USH2A: variants seen among roughly 807,000 people sequenced by gnomAD.
The protein encoded by USH2A is Usher syndrome 2A (autosomal recessive, mild).
USH2A carries 443 observed loss-of-function variants against 538.9 expected under a neutral mutation model. The observed-to-expected ratio is 0.82, with a 90% CI of 0.76 to 0.89. The LOEUF (loss-of-function observed/expected upper bound fraction) is 0.89, where lower values mean the gene tolerates loss of function less well. Among genes scored for constraint, USH2A ranks in the 40% least tolerant of loss-of-function variants. The probability of loss-of-function intolerance (pLI) is 0.00; values close to 1 mark genes in which losing one functional copy is unlikely to be tolerated. For synonymous variants in USH2A, 2,413 were observed against 2,273.5 expected (o/e 1.06, Z -1.75); for missense variants, 6,633 against 6,324.8 (o/e 1.05, Z -1.65).
Position 216,050,622 on chromosome 1 carries a change from TG to T in USH2A, c.6050-1976del, listed in dbSNP as rs748853705. ...TTTCTTTCTTTTTTTTTTTTTTTTTTGAGACAGAGTCTCGCTCAGTTGCCCA... is the reference window on the plus strand; with the variant it reads ...TTTCTTTCTTTTTTTTTTTTTTTTTTAGACAGAGTCTCGCTCAGTTGCCCA... On this transcript the variant is annotated intron_variant, in intron 30 of 71. Transcript: ENST00000307340. 9.4e-5 allele frequency among the ~76,000 whole-genome samples: 10 copies of T among 106,712 alleles called. 1 individual carries two copies. Among genetic ancestry groups the T allele is most frequent in the Admixed American group, 1.9e-4 (2 of 10,562 alleles). 70.0% of individuals were successfully genotyped at this position (106,712 alleles called of 152,430 possible). A position where few individuals can be genotyped will look rare whatever the true frequency, so the allele number is the denominator to read the frequency against.
intron 59 of USH2A, among the ~76,000 whole-genome samples, chr1:215,742,887 A>G (rs138098360): frequency 1.4e-4 from 21 of 152,278 alleles, no homozygotes; most frequent in African/African-American, 3.9e-4. Flanking sequence ...TTATATTACC[A>G]AAGACTCCTT....
intron 23 of USH2A, among the ~76,000 whole-genome samples, chr1:216,087,074 A>T (rs1192467346): frequency 6.6e-6 from 1 of 152,140 alleles, no homozygotes; most frequent in Non-Finnish European, 1.5e-5. Flanking sequence ...AGTACTCTAG[A>T]GGGATGAATA....
chr1:216,336,369 T>G (rs970260517), intron 4 of USH2A, among the ~76,000 whole-genome samples: 101 of 151,364 alleles, frequency 6.7e-4, no homozygotes, highest in African/African-American at 2.2e-3. Context: ...CTTTTGCCAC[T>G]TCTAGTCAAC....
rs528148292 is a variant in USH2A, at chr1:215,834,358, T to C, written c.9371+3633A>G. Among the ~76,000 whole-genome samples the C allele has an allele frequency of 1.3e-5, 2 of 152,296 alleles. 1 individual carries two copies. Among genetic ancestry groups the C allele is most frequent in the South Asian group, 4.1e-4 (2 of 4,834 alleles). On this transcript the variant is annotated intron_variant, in intron 47 of 71. Coordinates refer to ENST00000307340, the MANE Select transcript of USH2A (RefSeq NM_206933.4). ...CTCAGCAACAAAAACTGACAACTAC[T>C]AGTATGTATACAACTGCTAGTATGT... is the stretch of plus-strand genomic sequence containing the variant.
rs1209886350 is a variant in USH2A, at chr1:215,805,609, CA to C, written c.9740-6485del. Among the ~76,000 whole-genome samples the C allele has an allele frequency of 2.0e-5, 3 of 151,950 alleles. No individual in the cohort carries two copies. In the Middle Eastern group the frequency reaches 0.01, roughly 517 times the overall value. On this transcript the variant is annotated intron_variant, in intron 49 of 71. Transcript: ENST00000307340. ...ATTTTATGTGGTGTATACTTTACCA[CA>C]AAAAAGTCCTGTAAACAAGGAAAAA...
At chr1:215,746,686 A>G (rs1014214952) in intron 58 of USH2A, among the ~76,000 whole-genome samples, 6 of 152,202 alleles carry the variant, frequency 3.9e-5, no homozygotes, top group African/African-American at 1.4e-4. Context: ...CTTTGATGAT[A>G]TTTAGTTTGG....
intron 49 of USH2A, among the ~76,000 whole-genome samples, chr1:215,802,431 C>T (rs1662364654): frequency 6.6e-6 from 1 of 151,798 alleles, no homozygotes; most frequent in Admixed American, 6.6e-5. Flanking sequence ...AAACAAAGAC[C>T]TTATTTTTTA....
intron 61 of USH2A, among the ~76,000 whole-genome samples, chr1:215,689,794 A>G (rs1239085841): frequency 1.3e-5 from 2 of 152,204 alleles, no homozygotes; most frequent in East Asian, 3.9e-4. Flanking sequence ...TGAGATTGGA[A>G]GTAAATGTTT....
chr1:216,244,717 T>A (rs1189456769), intron 13 of USH2A, among the ~76,000 whole-genome samples: 1 of 152,204 alleles, frequency 6.6e-6, no homozygotes, highest in Non-Finnish European at 1.5e-5. Context: ...TTTTAGTTCA[T>A]CATTTAGATA....
chr1:216,035,402 C>T (rs191775204), intron 32 of USH2A, among the ~76,000 whole-genome samples: 106 of 152,186 alleles, frequency 7.0e-4, no homozygotes, highest in African/African-American at 2.4e-3. Context: ...TGCCAAATAT[C>T]GCCAGCAAAC....
chr1:215,926,614 C>CTTTTTTTTTTT lies in USH2A; in HGVS notation c.7300+7991_7300+8001dup, dbSNP rs10673615. On this transcript the variant is annotated intron_variant, in intron 38 of 71. Transcript: ENST00000307340. ...GTAGACACTTGCTTTACCTACCTAT[C>CTTTTTTTTTTT]TTTTTTTTTTTTTTTTTTTTGAGAC... Among the ~76,000 whole-genome samples, 355 of 75,772 alleles carry CTTTTTTTTTTT rather than the reference C, an allele frequency of 4.7e-3. 11 individuals are homozygous for CTTTTTTTTTTT. The highest frequency in any genetic ancestry group is 7.4e-3 in the East Asian group (17 of 2,306). The allele number at this position is 75,772 out of a possible 152,430, so 49.7% of individuals were successfully genotyped here.
intron 2 of USH2A, among the ~76,000 whole-genome samples, chr1:216,421,434 T>C (rs2039674676): frequency 6.6e-6 from 1 of 152,144 alleles, no homozygotes. Context: ...GGGAGAACTA[T>C]CTGCCTAATG....
In USH2A at chr1:216,247,092, A is replaced by G. The variant is rs1052375050; in HGVS notation, c.2302T>C (p.Cys768Arg). 1 of 1,613,846 alleles carries G rather than the reference A, an allele frequency of 6.2e-7. No individual in the cohort carries two copies. Among genetic ancestry groups the G allele is most frequent in the South Asian group, 1.1e-5 (1 of 91,076 alleles). Residue 768 changes from cysteine (C) to arginine (R), a missense_variant, in exon 13 of 72, where the codon TGC (cysteine) becomes CGC (arginine). Physicochemically the swap from Cys to Arg is radical, Grantham distance 180 (BLOSUM62 -3). Coordinates refer to ENST00000307340, the MANE Select transcript of USH2A (RefSeq NM_206933.4). ...TGAAGTCCTTTGGCTTCTTTTTTGC[A>G]CTCACACTGCCCAGAGTGAGGATTG... is the stretch of plus-strand genomic sequence containing the variant. ...FCNPHSGQCECKKEAKGLQCD... is the reference protein window; with the variant it reads ...FCNPHSGQCERKKEAKGLQCD...
intron 21 of USH2A, among the ~76,000 whole-genome samples, chr1:216,143,965 G>A (rs1037201469): frequency 1.3e-5 from 2 of 152,134 alleles, no homozygotes. Flanking sequence ...TACAAGCCAG[G>A]AACCCAGTAG....
At chr1:216,357,972 A>G (rs924094125) in intron 4 of USH2A, among the ~76,000 whole-genome samples, 1 of 152,170 alleles carries the variant, frequency 6.6e-6, no homozygotes, top group Admixed American at 6.6e-5. Context: ...AGATGGTCTA[A>G]GGTGTTTCTA....
intron 27 of USH2A, among the ~76,000 whole-genome samples, chr1:216,076,861 A>C (rs1384330106): frequency 1.3e-5 from 2 of 152,180 alleles, no homozygotes; most frequent in African/African-American, 4.8e-5. Flanking sequence ...TGAAATACGT[A>C]AAGGACCTTT....
chr1:216,057,644 G>C (rs1409362414), intron 30 of USH2A, among the ~76,000 whole-genome samples: 1 of 152,000 alleles, frequency 6.6e-6, no homozygotes, highest in African/African-American at 2.4e-5. Flanking sequence ...CTGAGATGGT[G>C]CCAATGCACT....
At chr1:216,233,510 G>A (rs1367642919) in intron 13 of USH2A, among the ~76,000 whole-genome samples, 1 of 151,792 alleles carries the variant, frequency 6.6e-6, no homozygotes, top group Non-Finnish European at 1.5e-5. Context: ...ATTCATCATT[G>A]TCTCCCTAGC....
intron 38 of USH2A, among the ~76,000 whole-genome samples, chr1:215,916,932 T>C (rs1437684730): frequency 6.6e-6 from 1 of 152,128 alleles, no homozygotes; most frequent in Non-Finnish European, 1.5e-5. Flanking sequence ...GTGAATTTGT[T>C]AACCAAGAAA....
Sources: gnomAD v4.1 joint callset for allele counts (sites outside exome capture counted in the v4.1 genomes callset) on GRCh38, gnomAD v4.1.1 for gene constraint, MANE v1.5 for transcripts, NCBI Gene and HGNC (gene_info 2026-07-23, HGNC 2026-07-21) for gene names.